Variants in CA2 observed in about 807,000 individuals in gnomAD.
CA2 encodes carbonate dehydratase II.
A neutral mutation model predicts 27.8 loss-of-function variants in CA2; 23 were observed. That is an observed-to-expected ratio of 0.83 (90% CI 0.59 to 1.17). CA2 has a LOEUF of 1.17. CA2 is among the 50% of genes most tolerant of loss of function. CA2 has a pLI of 0.00. For synonymous variants in CA2, 99 were observed against 114.9 expected, an observed-to-expected ratio of 0.86 and a Z score of 0.88; for missense variants, 300 against 314.7, an observed-to-expected ratio of 0.95 and a Z score of 0.35.
chr8:85,464,977 A>G (rs1811603479), intron 1 of CA2: 5 of 325,332 alleles, frequency 1.5e-5, no homozygotes, highest in Non-Finnish European at 2.9e-5. Context: ...GCTGAATTTC[A>G]GTAAAACGAC....
At chr8:85,470,063 A>G (rs1485959221) in intron 2 of CA2, among the ~76,000 whole-genome samples, 3 of 152,194 alleles carry the variant, frequency 2.0e-5, no homozygotes, top group East Asian at 3.8e-4. Context: ...ATGGACCAAC[A>G]TATTCTAAAC....
Position 85,480,711 on chromosome 8 carries a change from A to C in CA2, c.705A>C (p.Glu235Asp). 14 of 1,613,798 alleles carry C rather than the reference A, an allele frequency of 8.7e-6. No homozygotes were observed. The highest frequency in any genetic ancestry group is 1.2e-5 in the Non-Finnish European group (14 of 1,179,726). ...FRKLNFNGEG[E>D]PEELMVDNWR... is the part of the protein sequence containing the mutation. ...AACTTAACTTCAATGGGGAGGGTGAACCCGAAGAACTGATGGTGGACAACT... is the reference window on the plus strand; with the variant it reads ...AACTTAACTTCAATGGGGAGGGTGACCCCGAAGAACTGATGGTGGACAACT... The change falls in exon 7 of 7, where the codon GAA (glutamate) becomes GAC (aspartate). Residue 235 changes from glutamate (E) to aspartate (D), a missense_variant. By Grantham distance (45) the Glu-to-Asp change is conservative (BLOSUM62 2). Coordinates refer to ENST00000285379, the MANE Select transcript of CA2 (RefSeq NM_000067.3).
At chr8:85,476,148 A>AGG (rs1339653107) in intron 5 of CA2, among the ~76,000 whole-genome samples, 1 of 152,218 alleles carries the variant, frequency 6.6e-6, no homozygotes, top group African/African-American at 2.4e-5. Flanking sequence ...GGAGGTTCAA[A>AGG]GGTCCTCTAG....
chr8:85,474,331 T>A lies in CA2; in HGVS notation c.359T>A (p.Leu120Ter), dbSNP rs1463529957. The change falls in exon 4 of 7, where the codon TTG (leucine) becomes TAG (stop). Residue 120 changes from leucine (L) to a stop codon, truncating the protein, a stop_gained. Transcript: ENST00000285379. LOFTEE classifies it high-confidence loss of function. Reference protein sequence around the residue: ...DKKKYAAELHLVHWNTKYGDF... With the variant: ...DKKKYAAELH ...TTGTCTCTTCGGCCTTAGCTTCACTTGGTTCACTGGAACACCAAATATGGG... is the reference window on the plus strand; with the variant it reads ...TTGTCTCTTCGGCCTTAGCTTCACTAGGTTCACTGGAACACCAAATATGGG... 6.2e-7 allele frequency: 1 copy of A among 1,613,728 alleles called. No homozygotes were observed. Among genetic ancestry groups the A allele is most frequent in the Admixed American group, 1.7e-5 (1 of 60,030 alleles).
In CA2 at chr8:85,481,077, G is replaced by A; in HGVS notation, c.*288G>A. 1 of 378,246 alleles carries A rather than the reference G, an allele frequency of 2.6e-6. No homozygotes were observed. Among genetic ancestry groups the A allele is most frequent in the South Asian group, 2.4e-5 (1 of 41,262 alleles). The allele number at this position is 378,246 out of a possible 1,614,324, so 23.4% of individuals were successfully genotyped here. ...AGTACCTTGACTTTGTTCACAGCAT[G>A]TAGGGTGATGAGCACTCACAATTGT... On this transcript the variant is annotated 3_prime_UTR_variant, in exon 7 of 7. Transcript: ENST00000285379.
chr8:85,470,148 G>A (rs1001841269), intron 2 of CA2, among the ~76,000 whole-genome samples: 9 of 151,938 alleles, frequency 5.9e-5, no homozygotes, highest in African/African-American at 2.2e-4. Context: ...TTTAAACCAC[G>A]ACTTCTGTTG....
intron 1 of CA2, 151 bp downstream of exon 1, chr8:85,464,266 G>A (rs1057480903): frequency 9.9e-6 from 6 of 606,962 alleles, no homozygotes; most frequent in Non-Finnish European, 1.6e-5. Flanking sequence ...GGTGCGCCCC[G>A]GGCGCTCGCT....
At chr8:85,478,746 G>A (rs571093307) in intron 6 of CA2, among the ~76,000 whole-genome samples, 5 of 152,282 alleles carry the variant, frequency 3.3e-5, no homozygotes, top group Admixed American at 1.3e-4. Context: ...CATGGAATCT[G>A]GAGGAAGGAT....
chr8:85,465,473 AGT>A lies in CA2; in HGVS notation c.232+7_232+8del. 2 of 1,611,582 alleles carry A rather than the reference AGT, an allele frequency of 1.2e-6. No homozygotes were observed. The highest frequency in any genetic ancestry group is 1.7e-6 in the Non-Finnish European group (2 of 1,178,320). On this transcript the variant is annotated splice_donor_5th_base_variant and intron_variant, in intron 2 of 6. Coordinates refer to ENST00000285379, the MANE Select transcript of CA2 (RefSeq NM_000067.3). ...GATGACTCTCAGGACAAAGCAGGTC[AGT>A]GTTTAGAAAATAACTTGTGTCTTTT...
intron 2 of CA2, among the ~76,000 whole-genome samples, chr8:85,467,055 T>A (rs945345235): frequency 3.9e-5 from 6 of 152,218 alleles, no homozygotes; most frequent in African/African-American, 1.4e-4. Flanking sequence ...ATGGATGTAA[T>A]GTCTGCCAAA....
rs758659684 is a variant in CA2 at position 85,465,277 on chromosome 8, G to A, written c.40G>A (p.Glu14Lys). The change falls in exon 2 of 7, where the codon GAG (glutamate) becomes AAG (lysine). Residue 14 changes from glutamate to lysine, a missense_variant. Glu to Lys is a moderately conservative substitution (Grantham distance 56). Transcript: ENST00000285379. ...HWGYGKHNGPEHWHKDFPIAK... is the reference protein window; with the variant it reads ...HWGYGKHNGPKHWHKDFPIAK... ...ACATGTCTTCTTTCCCCCAGGACCTGAGCACTGGCATAAGGACTTCCCCAT... is the reference window on the plus strand; with the variant it reads ...ACATGTCTTCTTTCCCCCAGGACCTAAGCACTGGCATAAGGACTTCCCCAT... The A allele has an allele frequency of 2.7e-5, 43 of 1,613,532 alleles. No individual in the cohort carries two copies. The highest frequency in any genetic ancestry group is 3.6e-5 in the Non-Finnish European group (43 of 1,179,596).
intron 2 of CA2, among the ~76,000 whole-genome samples, chr8:85,471,755 A>G (rs992986049): frequency 1.3e-5 from 2 of 151,984 alleles, no homozygotes; most frequent in South Asian, 2.1e-4. Context: ...GTATTAATTT[A>G]TTTCATAAAC....
intron 4 of CA2, 103 bp downstream of exon 4, chr8:85,474,519 T>G: frequency 1.1e-6 from 1 of 907,856 alleles, no homozygotes; most frequent in South Asian, 1.3e-5. Context: ...GCTTAGGAAA[T>G]GCCTTTGTCC....
chr8:85,477,814 G>A (rs1264296516), intron 6 of CA2, among the ~76,000 whole-genome samples: 2 of 152,154 alleles, frequency 1.3e-5, no homozygotes, highest in African/African-American at 2.4e-5. Flanking sequence ...GTGTGTGATC[G>A]TCAAGTGATT....
intron 3 of CA2, 193 bp downstream of exon 3, chr8:85,474,004 G>T: frequency 1.6e-6 from 1 of 614,158 alleles, no homozygotes; most frequent in Non-Finnish European, 2.9e-6. Flanking sequence ...TTTCTCTACT[G>T]TCTCCAACTC....
In CA2 at chr8:85,472,386, CAG is replaced by C. The variant is rs1289705424; in HGVS notation, c.233-1304_233-1303del. 2.6e-5 allele frequency among the ~76,000 whole-genome samples: 4 copies of C among 152,172 alleles called. No homozygotes were observed. In the South Asian group the frequency reaches 6.3e-4, roughly 24 times the overall value. On this transcript the variant is annotated intron_variant, in intron 2 of 6. Transcript: ENST00000285379. ...CCATTAATACATACAAAGTTAGGCA[CAG>C]AGTTTCTTGGTGGATGGAAGAAAGA... is the stretch of plus-strand genomic sequence containing the variant.
intron 1 of CA2, chr8:85,465,043 C>A: frequency 1.9e-6 from 1 of 539,862 alleles, no homozygotes; most frequent in South Asian, 2.2e-5. Flanking sequence ...TTACATATAT[C>A]GATTCTAATT....
chr8:85,470,826 A>G (rs964748266), intron 2 of CA2, among the ~76,000 whole-genome samples: 1 of 152,064 alleles, frequency 6.6e-6, no homozygotes. Context: ...GGGTCTTGAA[A>G]AAAACATTAG....
chr8:85,479,585 A>C (rs556841512), intron 6 of CA2, among the ~76,000 whole-genome samples: 1 of 152,100 alleles, frequency 6.6e-6, no homozygotes, highest in Admixed American at 6.5e-5. Context: ...GCACTTTTTG[A>C]GAACCTTGAA....
Sources: allele counts gnomAD v4.1 joint callset (sites outside exome capture counted in the v4.1 genomes callset), GRCh38; gene constraint gnomAD v4.1.1; transcripts MANE v1.5; gene names NCBI Gene and HGNC (gene_info 2026-07-23, HGNC 2026-07-21).